Variants in RPSA2 observed in about 807,000 individuals in gnomAD.
The protein encoded by RPSA2 is small ribosomal subunit protein uS2B.
the RPSA2 span, among the ~76,000 whole-genome samples, chr19:23,763,641 G>C: frequency 6.6e-6 from 1 of 152,104 alleles, no homozygotes; most frequent in African/African-American, 2.4e-5. Flanking sequence ...GCTAATTTTT[G>C]TATTTCTAGT....
At chr19:23,859,375 T>C in the RPSA2 span, among the ~76,000 whole-genome samples, 1 of 152,156 alleles carries the variant, frequency 6.6e-6, no homozygotes, top group Non-Finnish European at 1.5e-5. Context: ...ACACCTGTAA[T>C]CCCAGCAGTT....
the RPSA2 span, among the ~76,000 whole-genome samples, chr19:23,844,579 T>C: frequency 6.6e-6 from 1 of 152,150 alleles, no homozygotes; most frequent in African/African-American, 2.4e-5. Context: ...ATTCCAAATA[T>C]AAGTTTCATG....
chr19:23,859,961 G>C, the RPSA2 span, among the ~76,000 whole-genome samples: 1 of 152,160 alleles, frequency 6.6e-6, no homozygotes, highest in African/African-American at 2.4e-5. Flanking sequence ...CCATGTTTAC[G>C]AAGGCAGCCC....
chr19:23,853,926 A>G, the RPSA2 span, among the ~76,000 whole-genome samples: 1 of 152,208 alleles, frequency 6.6e-6, no homozygotes. Context: ...GAAATAATAG[A>G]AACATCAATC....
chr19:23,778,531 G>A, the RPSA2 span, among the ~76,000 whole-genome samples: 1 of 152,066 alleles, frequency 6.6e-6, no homozygotes, highest in Non-Finnish European at 1.5e-5. Context: ...TTTTTAACCA[G>A]GGCTTTGCCA....
At chr19:23,844,228 A>AT in the RPSA2 span, among the ~76,000 whole-genome samples, 1 of 151,808 alleles carries the variant, frequency 6.6e-6, no homozygotes, top group South Asian at 2.1e-4. Context: ...TGTTTTGACT[A>AT]TTTTTCAGTT....
chr19:23,852,773 G>C, the RPSA2 span, among the ~76,000 whole-genome samples: 2 of 152,208 alleles, frequency 1.3e-5, no homozygotes, highest in Non-Finnish European at 2.9e-5. Flanking sequence ...ATTTTGGGGG[G>C]CTTGCTCCCA....
chr19:23,868,297 C>T, the RPSA2 span, among the ~76,000 whole-genome samples: 1 of 152,160 alleles, frequency 6.6e-6, no homozygotes, highest in Non-Finnish European at 1.5e-5. Flanking sequence ...ATGCTACAAG[C>T]CAAATGGGTG....
the RPSA2 span, among the ~76,000 whole-genome samples, chr19:23,863,292 A>G: frequency 1.8e-3 from 281 of 152,330 alleles, no homozygotes; most frequent in Non-Finnish European, 3.2e-3. Context: ...GGCCAACAGC[A>G]GTGGCACCCA....
the RPSA2 span, among the ~76,000 whole-genome samples, chr19:23,847,604 T>C: frequency 6.6e-6 from 1 of 152,218 alleles, no homozygotes; most frequent in Non-Finnish European, 1.5e-5. Context: ...TAAGAGCCTA[T>C]GTTCAGTGGT....
At chr19:23,828,227 C>G in the RPSA2 span, among the ~76,000 whole-genome samples, 5 of 149,858 alleles carry the variant, frequency 3.3e-5, no homozygotes, top group Non-Finnish European at 7.4e-5. Flanking sequence ...TATTAGTCTA[C>G]TTTTTCACCT....
chr19:23,769,110 T>C, the RPSA2 span, among the ~76,000 whole-genome samples: 1 of 152,228 alleles, frequency 6.6e-6, no homozygotes, highest in South Asian at 2.1e-4. Flanking sequence ...GGTCCATCGC[T>C]GAGACTGTGT....
chr19:23,777,800 A>G, the RPSA2 span, among the ~76,000 whole-genome samples: 1 of 152,116 alleles, frequency 6.6e-6, no homozygotes, highest in Non-Finnish European at 1.5e-5. Flanking sequence ...TGCCCTGTCT[A>G]CTTAGGCTAT....
chr19:23,828,234 A>G, the RPSA2 span, among the ~76,000 whole-genome samples: 3 of 150,438 alleles, frequency 2.0e-5, no homozygotes, highest in African/African-American at 4.9e-5. Flanking sequence ...CTACTTTTTC[A>G]CCTTTATACT....
chr19:23,761,901 A>ATCCTTCCTTCCTTCCTTCCTTCCTTCC, the RPSA2 span, among the ~76,000 whole-genome samples: 61 of 34,026 alleles, frequency 1.8e-3, 18 homozygotes, highest in East Asian at 6.3e-3. Context: ...GGGTAACGTA[A>ATCCTTCCTTCCTTCCTTCCTTCCTTCC]TTCTTTCTTT....
chr19:23,761,923 T>TCCTTCCTTCC, the RPSA2 span, among the ~76,000 whole-genome samples: 2 of 63,556 alleles, frequency 3.1e-5, no homozygotes, highest in African/African-American at 1.4e-4. Flanking sequence ...TTTCTTTCTT[T>TCCTTCCTTCC]TTTTTTTTTT....
chr19:23,760,760 G>A, the RPSA2 span, among the ~76,000 whole-genome samples: 2 of 150,216 alleles, frequency 1.3e-5, no homozygotes, highest in Non-Finnish European at 3.0e-5. Flanking sequence ...TGCCTCCCAG[G>A]TTCAAGCAAT....
At chr19:23,763,198 C>T in the RPSA2 span, 83 of 153,698 alleles carry the variant, frequency 5.4e-4, 1 homozygote, top group South Asian at 0.013. Flanking sequence ...CAGAACCGGC[C>T]TCTCCACAGT....
At chr19:23,790,416 C>A in the RPSA2 span, among the ~76,000 whole-genome samples, 1 of 152,048 alleles carries the variant, frequency 6.6e-6, no homozygotes, top group Admixed American at 6.6e-5. Context: ...CTGGGGTGGG[C>A]CTGGCTCAGT....
Sources: allele counts gnomAD v4.1 joint callset (sites outside exome capture counted in the v4.1 genomes callset), GRCh38; gene constraint gnomAD v4.1.1; transcripts MANE v1.5; gene names NCBI Gene and HGNC (gene_info 2026-07-23, HGNC 2026-07-21).